The following SERPINB5 variants were observed in gnomAD, a reference collection of about 807,000 sequenced individuals.
SERPINB5 encodes the protein serpin family B member 5.
In SERPINB5, 27 loss-of-function variants were observed where a neutral mutation model predicts 32.2. That is an observed-to-expected ratio of 0.84 (90% CI 0.62 to 1.16). The LOEUF (loss-of-function observed/expected upper bound fraction) is 1.16, where lower values mean the gene tolerates loss of function less well. Ranked by LOEUF, SERPINB5 falls within the 50% of genes most tolerant of loss-of-function variation. The pLI, the probability that SERPINB5 is intolerant of heterozygous loss-of-function variation, is 0.00. For missense variants in SERPINB5, 388 were observed against 436.3 expected (o/e 0.89, Z 0.99); for synonymous variants, 154 against 157.4 (o/e 0.98, Z 0.16).
intron 1 of SERPINB5, among the ~76,000 whole-genome samples, chr18:63,480,065 C>A (rs1917101807): frequency 6.6e-6 from 1 of 152,138 alleles, no homozygotes; most frequent in African/African-American, 2.4e-5. Flanking sequence ...CTGGTTTTGC[C>A]ACTCTCACTC....
At chr18:63,500,924 G>T (rs1371673517) in intron 6 of SERPINB5, among the ~76,000 whole-genome samples, 3 of 151,590 alleles carry the variant, frequency 2.0e-5, no homozygotes, top group Non-Finnish European at 2.9e-5. Flanking sequence ...TCCATTTTAT[G>T]CTTTGATCTT....
At chr18:63,477,792 T>C (rs1271849676) in intron 1 of SERPINB5, among the ~76,000 whole-genome samples, 1 of 152,200 alleles carries the variant, frequency 6.6e-6, no homozygotes, top group Non-Finnish European at 1.5e-5. Context: ...CATGCCAGGC[T>C]ATTCCAGAGA....
intron 1 of SERPINB5, among the ~76,000 whole-genome samples, chr18:63,480,408 A>G (rs76866109): frequency 0.011 from 1,692 of 152,344 alleles, 38 homozygotes; most frequent in African/African-American, 0.039. Flanking sequence ...TTTCACAGAA[A>G]TGGAAGAAGA....
Position 63,503,398 on chromosome 18 carries a change from G to T in SERPINB5, c.804G>T (p.Lys268Asn). ...WTNPSTMANA[K>N]VKLSIPKFKV... Reference sequence around the variant, plus strand: ...ATCCCAGCACCATGGCCAATGCCAAGGTCAAACTCTCCATTCCAAAATTTA... The same window carrying T: ...ATCCCAGCACCATGGCCAATGCCAATGTCAAACTCTCCATTCCAAAATTTA... Residue 268 changes from lysine (K) to asparagine (N), a missense_variant, in exon 7 of 7, where the codon AAG (lysine) becomes AAT (asparagine). Transcript: ENST00000382771. 6.2e-7 allele frequency: 1 copy of T among 1,614,228 alleles called. No individual in the cohort carries two copies. Among genetic ancestry groups the T allele is most frequent in the Non-Finnish European group, 8.5e-7 (1 of 1,180,042 alleles).
Position 63,503,611 on chromosome 18 carries a change from A to G in SERPINB5, c.1017A>G (p.Ala339=). 7 of 1,614,270 alleles carry G rather than the reference A, an allele frequency of 4.3e-6. No homozygotes were observed. Among genetic ancestry groups the G allele is most frequent in the Non-Finnish European group, 5.9e-6 (7 of 1,180,040 alleles). The part of the protein sequence containing the change: ...DGGDSIEVPG[A]RILQHKDELN... ...GGGATTCCATAGAGGTGCCAGGAGC[A>G]CGGATCCTGCAGCACAAGGATGAAT... Residue 339 remains alanine, a synonymous_variant, in exon 7 of 7, where the codon GCA becomes GCG. Coordinates refer to ENST00000382771, the MANE Select transcript of SERPINB5 (RefSeq NM_002639.5).
chr18:63,479,514 C>G (rs1423918638), intron 1 of SERPINB5, among the ~76,000 whole-genome samples: 3 of 152,162 alleles, frequency 2.0e-5, no homozygotes, highest in Non-Finnish European at 4.4e-5. Flanking sequence ...AAGGCTAACT[C>G]CTACTTATCC....
rs1568108295 is a variant in SERPINB5, at chr18:63,484,499, C to T, written c.71C>T (p.Pro24Leu). The T allele has an allele frequency of 1.2e-6, 2 of 1,614,150 alleles. No homozygotes were observed. The highest frequency in any genetic ancestry group is 4.5e-5 in the East Asian group (2 of 44,886). ...TTCAAACAACTATGTGAAAAGGAGC[C>T]ACTGGGCAATGTCCTCTTCTCTCCA... is the stretch of plus-strand genomic sequence containing the variant. ...DLFKQLCEKE[P>L]LGNVLFSPIC... The change falls in exon 2 of 7, where the codon CCA becomes CTA. Residue 24 changes from proline (P) to leucine (L), a missense_variant. Physicochemically the swap from Pro to Leu is moderately conservative, Grantham distance 98. Transcript: ENST00000382771.
Position 63,487,020 on chromosome 18 carries a change from T to C in SERPINB5, c.243T>C (p.Ser81=), listed in dbSNP as rs771185598. Residue 81 remains serine, a synonymous_variant, in exon 3 of 7, where the codon AGT becomes AGC. Transcript: ENST00000382771. ...QTVTSDVNKL[S]SFYSLKLIKR... is the part of the protein sequence containing the mutation. ...TAACATCGGATGTAAACAAACTTAG[T>C]TCCTTTTACTCACTGAAACTAATCA... 1.2e-6 allele frequency: 2 copies of C among 1,614,110 alleles called. No homozygotes were observed. Among genetic ancestry groups the C allele is most frequent in the Admixed American group, 3.3e-5 (2 of 60,034 alleles).
intron 6 of SERPINB5, among the ~76,000 whole-genome samples, chr18:63,502,216 A>C (rs1909584550): frequency 6.6e-6 from 1 of 151,370 alleles, no homozygotes; most frequent in Admixed American, 6.6e-5. Flanking sequence ...GCTCACTGCA[A>C]GCTCCGCCTC....
intron 1 of SERPINB5, among the ~76,000 whole-genome samples, chr18:63,480,556 A>T (rs373336315): frequency 6.6e-6 from 1 of 152,226 alleles, no homozygotes; most frequent in Non-Finnish European, 1.5e-5. Context: ...ATAGCATTTG[A>T]TCATGCAAAA....
At chr18:63,484,126 T>C (rs971732771) in intron 1 of SERPINB5, among the ~76,000 whole-genome samples, 1 of 152,236 alleles carries the variant, frequency 6.6e-6, no homozygotes, top group Non-Finnish European at 1.5e-5. Context: ...TTTTCTGACA[T>C]ATGCTGGAGA....
chr18:63,502,607 C>T (rs1390787707), intron 6 of SERPINB5, among the ~76,000 whole-genome samples: 4 of 151,832 alleles, frequency 2.6e-5, no homozygotes, highest in African/African-American at 4.8e-5. Context: ...TGGATTTCCT[C>T]GTAGAGAAAT....
rs1327257151 is a variant in SERPINB5, at chr18:63,502,054, TC to T, written c.736-1273del. Among the ~76,000 whole-genome samples, 8 of 152,256 alleles carry T rather than the reference TC, an allele frequency of 5.3e-5. No individual in the cohort carries two copies. In the East Asian group the frequency reaches 1.5e-3, roughly 29 times the overall value. Reference sequence around the variant, plus strand: ...GCAGAAGCTCTTTAGTTTAATTAGATCCCATTTGTCAATTTTGGCTTTCAAT... The same window carrying T: ...GCAGAAGCTCTTTAGTTTAATTAGATCCATTTGTCAATTTTGGCTTTCAAT... On this transcript the variant is annotated intron_variant, in intron 6 of 6. Transcript: ENST00000382771.
intron 2 of SERPINB5, chr18:63,486,104 A>G (rs955424014): frequency 1.3e-5 from 2 of 152,210 alleles, no homozygotes; most frequent in African/African-American, 4.8e-5. Context: ...AATAATTAAC[A>G]GTTTGAATCC....
rs530124987 is a variant in SERPINB5, at chr18:63,503,253, C to T, written c.736-77C>T. ...TTTGAAGCTGGGCTTATCATAACACCTTATGTTTTCAATTGAGCCAGGTCT... is the reference window on the plus strand; with the variant it reads ...TTTGAAGCTGGGCTTATCATAACACTTTATGTTTTCAATTGAGCCAGGTCT... On this transcript the variant is annotated intron_variant, in intron 6 of 6. Coordinates refer to ENST00000382771, the MANE Select transcript of SERPINB5 (RefSeq NM_002639.5). 2.7e-6 allele frequency: 4 copies of T among 1,468,556 alleles called. No individual in the cohort carries two copies. In the African/African-American group the frequency reaches 4.3e-5, roughly 16 times the overall value. 91.0% of individuals were successfully genotyped at this position (1,468,556 alleles called of 1,614,324 possible).
chr18:63,486,046 C>T (rs1359966786), intron 2 of SERPINB5: 3 of 151,808 alleles, frequency 2.0e-5, no homozygotes, highest in Non-Finnish European at 4.4e-5. Context: ...TTTAAGCCCT[C>T]CAAATGATAG....
intron 6 of SERPINB5, among the ~76,000 whole-genome samples, chr18:63,502,215 A>G (rs974463469): frequency 4.0e-5 from 6 of 150,130 alleles, no homozygotes; most frequent in African/African-American, 9.8e-5. Context: ...AGCTCACTGC[A>G]AGCTCCGCCT....
intron 5 of SERPINB5, chr18:63,497,415 C>G: frequency 9.7e-7 from 1 of 1,031,704 alleles, no homozygotes; most frequent in South Asian, 1.2e-5. Flanking sequence ...CTGTGGGGGT[C>G]ACCTGCCTGT....
rs749124864 is a variant in SERPINB5, at chr18:63,489,458, A to G, written c.418A>G (p.Thr140Ala). 1 of 1,515,590 alleles carries G rather than the reference A, an allele frequency of 6.6e-7. No individual in the cohort carries two copies. Among genetic ancestry groups the G allele is most frequent in the South Asian group, 1.1e-5 (1 of 88,458 alleles). The allele number at this position is 1,515,590 out of a possible 1,614,324, so 93.9% of individuals were successfully genotyped here. ...GATCAACAACTCAATTAAGGATCTC[A>G]CAGATGGCAAGTACCCTTTAATTGT... The part of the protein sequence containing the change: ...GQINNSIKDL[T>A]DGHFENILAD... Residue 140 changes from threonine to alanine, a missense_variant, in exon 4 of 7, where the codon ACA (threonine) becomes GCA (alanine). Coordinates refer to ENST00000382771, the MANE Select transcript of SERPINB5 (RefSeq NM_002639.5).
Sources: gnomAD v4.1 joint callset for allele counts (sites outside exome capture counted in the v4.1 genomes callset) on GRCh38, gnomAD v4.1.1 for gene constraint, MANE v1.5 for transcripts, NCBI Gene and HGNC (gene_info 2026-07-23, HGNC 2026-07-21) for gene names.